COL4A2: variants seen among roughly 807,000 people sequenced by gnomAD.
The protein encoded by COL4A2 is collagen type IV alpha 2 chain, also known as collagen alpha-2(IV) chain.
A neutral mutation model predicts 200.2 loss-of-function variants in COL4A2; 99 were observed. That is an observed-to-expected ratio of 0.49 (90% confidence interval 0.42 to 0.58). The LOEUF (loss-of-function observed/expected upper bound fraction) is 0.58. Ranked by LOEUF, COL4A2 falls within the 20% of genes least tolerant of loss-of-function variation. The pLI, the probability that COL4A2 is intolerant of heterozygous loss-of-function variation, is 0.00. For missense variants in COL4A2, 1,950 were observed against 2,314.1 expected, an observed-to-expected ratio of 0.84 and a Z score of 3.23; for synonymous variants, 897 against 900.6, an observed-to-expected ratio of 1.00 and a Z score of 0.07.
chr13:110,384,966 C>CA (rs1359558399), intron 4 of COL4A2, among the ~76,000 whole-genome samples: 2 of 152,134 alleles, frequency 1.3e-5, no homozygotes, highest in Non-Finnish European at 2.9e-5. Context: ...CAGCAAGGAA[C>CA]AAAAAAGTTA....
intron 3 of COL4A2, among the ~76,000 whole-genome samples, chr13:110,313,905 C>T (rs1885063649): frequency 6.6e-6 from 1 of 152,218 alleles, no homozygotes; most frequent in Non-Finnish European, 1.5e-5. Flanking sequence ...TCCCCTGTCT[C>T]CTGAGCTCCT....
At chr13:110,382,122 T>C (rs1185518709) in intron 4 of COL4A2, among the ~76,000 whole-genome samples, 1 of 152,192 alleles carries the variant, frequency 6.6e-6, no homozygotes, top group Non-Finnish European at 1.5e-5. Flanking sequence ...TCTAAAAGGA[T>C]TTCCATTCAT....
At chr13:110,447,896 C>T (rs563654025) in intron 18 of COL4A2, among the ~76,000 whole-genome samples, 4 of 152,344 alleles carry the variant, frequency 2.6e-5, no homozygotes, top group African/African-American at 7.2e-5. Context: ...CTCCCTGCTT[C>T]GAAGCGAGCC....
At chr13:110,394,701 G>A (rs1281374877) in intron 4 of COL4A2, among the ~76,000 whole-genome samples, 1 of 152,200 alleles carries the variant, frequency 6.6e-6, no homozygotes, top group African/African-American at 2.4e-5. Flanking sequence ...ACTGCTGCTG[G>A]AGAGGTGGGC....
chr13:110,452,924 C>T (rs1881597033), intron 20 of COL4A2, among the ~76,000 whole-genome samples: 1 of 152,016 alleles, frequency 6.6e-6, no homozygotes, highest in East Asian at 2.0e-4. Flanking sequence ...CACCACCATG[C>T]CTGGCTAATT....
intron 4 of COL4A2, among the ~76,000 whole-genome samples, chr13:110,413,672 A>G (rs1294307264): frequency 2.0e-5 from 3 of 152,214 alleles, no homozygotes; most frequent in African/African-American, 7.2e-5. Flanking sequence ...CGCAAAGGCT[A>G]TGGCGGGGTG....
intron 3 of COL4A2, among the ~76,000 whole-genome samples, chr13:110,348,110 G>T (rs1442027099): frequency 2.6e-5 from 4 of 152,204 alleles, no homozygotes; most frequent in Non-Finnish European, 5.9e-5. Flanking sequence ...TACACAGCCT[G>T]AGCTCCTCCC....
chr13:110,446,140 C>T (rs1055678858), intron 17 of COL4A2, among the ~76,000 whole-genome samples: 1 of 152,188 alleles, frequency 6.6e-6, no homozygotes, highest in Non-Finnish European at 1.5e-5. Flanking sequence ...AAGCCAGCAG[C>T]CCTGGGGAAG....
intron 16 of COL4A2, 66 bp from the exon 17 acceptor site, chr13:110,445,763 C>G (rs7489705): frequency 1.9e-6 from 3 of 1,561,970 alleles, no homozygotes; most frequent in South Asian, 1.1e-5. Context: ...ATAATAATGC[C>G]ATTGCAGTCC....
intron 16 of COL4A2, among the ~76,000 whole-genome samples, chr13:110,440,931 A>G (rs987436045): frequency 1.3e-5 from 2 of 152,226 alleles, no homozygotes; most frequent in Non-Finnish European, 2.9e-5. Flanking sequence ...TGCCCCTTAG[A>G]GAATGTTCCA....
At chr13:110,392,819 A>G (rs1487943167) in intron 4 of COL4A2, among the ~76,000 whole-genome samples, 1 of 152,234 alleles carries the variant, frequency 6.6e-6, no homozygotes, top group African/African-American at 2.4e-5. Context: ...TCCTAAAAGA[A>G]AGAAGTAGAA....
intron 3 of COL4A2, among the ~76,000 whole-genome samples, chr13:110,321,275 C>G (rs970649091): frequency 1.3e-5 from 2 of 151,212 alleles, no homozygotes; most frequent in African/African-American, 4.9e-5. Flanking sequence ...ACACATAATG[C>G]AAACCTGTGT....
chr13:110,503,742 G>T, intron 43 of COL4A2, 105 bp from the exon 44 acceptor site: 1 of 1,394,722 alleles, frequency 7.2e-7, no homozygotes, highest in Non-Finnish European at 1.0e-6. Flanking sequence ...CAGTTGTCTG[G>T]GAAGCTCCAA....
Position 110,439,792 on chromosome 13 carries a change from T to A in COL4A2, c.916T>A (p.Tyr306Asn). 1 of 1,614,070 alleles carries A rather than the reference T, an allele frequency of 6.2e-7. No homozygotes were observed. The highest frequency in any genetic ancestry group is 8.5e-7 in the Non-Finnish European group (1 of 1,179,980). ...GIMGFPGLRG[Y>N]PGLSGEKGSP... is the part of the protein sequence containing the mutation. ...TTCTGTTTTTTGTTCATTCCAGGGT[T>A]ACCCTGGCTTGAGTGGTGAAAAAGG... The change falls in exon 16 of 48, where the codon TAC becomes AAC. Residue 306 changes from tyrosine to asparagine, a missense_variant. By Grantham distance (143) the Tyr-to-Asn change is moderately radical (BLOSUM62 -2). Coordinates refer to ENST00000360467, the MANE Select transcript of COL4A2 (RefSeq NM_001846.4).
chr13:110,468,727 G>A (rs1882347588), intron 27 of COL4A2, among the ~76,000 whole-genome samples: 1 of 152,194 alleles, frequency 6.6e-6, no homozygotes, highest in Admixed American at 6.5e-5. Flanking sequence ...TTGTGACATG[G>A]CTGAGGAACC....
At chr13:110,493,065 TG>T in intron 38 of COL4A2, 145 bp from the exon 39 acceptor site, 9 of 858,402 alleles carry the variant, frequency 1.0e-5, no homozygotes, top group African/African-American at 2.7e-5. Context: ...GAAATAACGA[TG>T]AGTGACACCC....
At chr13:110,308,005 A>C in intron 2 of COL4A2, 58 bp downstream of exon 2, 6 of 1,608,044 alleles carry the variant, frequency 3.7e-6, no homozygotes, top group Non-Finnish European at 2.5e-6. Flanking sequence ...CTTCGGTGTA[A>C]CTCTCGGGGA....
In COL4A2 at chr13:110,491,014, G is replaced by T. The variant is rs7985245; in HGVS notation, c.3347-219G>T. Among the ~76,000 whole-genome samples the T allele has an allele frequency of 0.021, 3,207 of 152,196 alleles. 115 individuals carry two copies. The highest frequency in any genetic ancestry group is 0.07 in the African/African-American group (2,916 of 41,484). On this transcript the variant is annotated intron_variant, in intron 36 of 47. Coordinates refer to ENST00000360467, the MANE Select transcript of COL4A2 (RefSeq NM_001846.4). Reference sequence around the variant, plus strand: ...GTCCTGTTTTCCCTAAGACAGTGAGGGGTGCATGGGTACATGGGTGCTGCC... The same window carrying T: ...GTCCTGTTTTCCCTAAGACAGTGAGTGGTGCATGGGTACATGGGTGCTGCC...
chr13:110,466,016 T>C lies in COL4A2; in HGVS notation c.1992T>C (p.Asp664=), dbSNP rs1882226007. The part of the protein sequence containing the change: ...GTPGQIDCDT[D]VKRAVGGDRQ... ...TCTTCCCCCCAGATTGTGACACAGA[T>C]GTGAAAAGGGCCGTTGGAGGTGACA... The change falls in exon 26 of 48, where the codon GAT becomes GAC. Residue 664 remains aspartate (D), a synonymous_variant. Transcript: ENST00000360467. 4.3e-6 allele frequency: 7 copies of C among 1,613,796 alleles called. No homozygotes were observed. Among genetic ancestry groups the C allele is most frequent in the Non-Finnish European group, 5.1e-6 (6 of 1,179,778 alleles).
Sources: allele counts gnomAD v4.1 joint callset (sites outside exome capture counted in the v4.1 genomes callset), GRCh38; gene constraint gnomAD v4.1.1; transcripts MANE v1.5; gene names NCBI Gene and HGNC (gene_info 2026-07-23, HGNC 2026-07-21).